Variants in LGALS8 observed in about 807,000 individuals in gnomAD.
LGALS8 encodes the protein galectin-8.
LGALS8 carries 30 observed loss-of-function variants against 35.9 expected under a neutral mutation model. The ratio of observed to expected loss-of-function variants is 0.83; its 90% CI spans 0.62 to 1.13. The LOEUF (loss-of-function observed/expected upper bound fraction) is 1.13, where lower values mean the gene tolerates loss of function less well. Ranked by LOEUF, LGALS8 falls within the 50% of genes most tolerant of loss-of-function variation. The probability of loss-of-function intolerance (pLI) is 0.00; values close to 1 mark genes in which losing one functional copy is unlikely to be tolerated. For synonymous variants in LGALS8, 138 were observed against 136.1 expected (o/e 1.01, Z -0.10); for missense variants, 366 against 388.7 (o/e 0.94, Z 0.49).
chr1:236,540,518 T>C (rs759178529), intron 4 of LGALS8, 46 bp from the exon 5 acceptor site: 3 of 1,367,210 alleles, frequency 2.2e-6, no homozygotes, highest in South Asian at 1.5e-5. Context: ...TTATTAACTG[T>C]TTTTTTTTGG....
rs1420790716 is a variant in LGALS8, at chr1:236,537,534, A to G, written c.83A>G (p.Asp28Gly). 5.6e-6 allele frequency: 9 copies of G among 1,606,550 alleles called. No individual in the cohort carries two copies. Among genetic ancestry groups the G allele is most frequent in the Non-Finnish European group, 7.7e-6 (9 of 1,172,880 alleles). The change falls in exon 3 of 10, where the codon GAT becomes GGT. Residue 28 changes from aspartate to glycine, a missense_variant. Coordinates refer to ENST00000366584, the MANE Select transcript of LGALS8 (RefSeq NM_201544.4). ...PFVGTIPDQL[D>G]PGTLIVIRGH... ...GTTGGCACCATTCCTGATCAGCTGG[A>G]TCCTGGAACTTTGATTGTGATACGT... is the stretch of plus-strand genomic sequence containing the variant.
rs1341641721 is a variant in LGALS8 at position 236,526,117 on chromosome 1, T to C, written c.45+2T>C. On this transcript the variant is annotated splice_donor_variant, in intron 2 of 9. Transcript: ENST00000366584. LOFTEE classifies it high-confidence loss of function. This position sits in a 1 kb window ranked among gnomAD's most constrained non-coding sequence, Gnocchi z 4.6. ...CTACAGAATATCATCTATAACCCGG[T>C]AACTGATTTCTATAAGATAACTTTT... 1 of 1,598,802 alleles carries C rather than the reference T, an allele frequency of 6.3e-7. No homozygotes were observed. The highest frequency in any genetic ancestry group is 8.6e-7 in the Non-Finnish European group (1 of 1,166,556).
upstream of LGALS8, among the ~76,000 whole-genome samples, chr1:236,522,129 G>C (rs1660569371): frequency 2.6e-5 from 4 of 152,142 alleles, no homozygotes; most frequent in Admixed American, 2.6e-4. Context: ...TGCCAAATGA[G>C]GGAGATATTT....
intron 7 of LGALS8, chr1:236,543,309 C>A: frequency 1.5e-6 from 1 of 652,036 alleles, no homozygotes; most frequent in Admixed American, 2.2e-5. Flanking sequence ...GCGTGTTTCA[C>A]TCATACAGAG....
chr1:236,528,669 G>A (rs1304353133), intron 2 of LGALS8, among the ~76,000 whole-genome samples: 2 of 150,328 alleles, frequency 1.3e-5, no homozygotes, highest in African/African-American at 4.9e-5. Flanking sequence ...AAATAGCTGG[G>A]ACTACAGGCA....
chr1:236,541,671 A>C lies in LGALS8; in HGVS notation c.483A>C (p.Gln161His). The C allele has an allele frequency of 6.6e-7, 1 of 1,521,594 alleles. No individual in the cohort carries two copies. Among genetic ancestry groups the C allele is most frequent in the African/African-American group, 1.4e-5 (1 of 71,962 alleles). The allele number at this position is 1,521,594 out of a possible 1,614,324, so 94.3% of individuals were successfully genotyped here. Residue 161 changes from glutamine to histidine, a missense_variant, in exon 6 of 10, where the codon CAA (glutamine) becomes CAC (histidine). Gln to His is a conservative substitution (Grantham distance 24). Transcript: ENST00000366584. ...FSFSSDLQST[Q>H]ASSLELTEIS... is the part of the protein sequence containing the mutation. ...TTTCTCAGGACTTACAAAGTACCCA[A>C]GCATCTAGTCTGGAACTGACAGAGA...
chr1:236,527,303 G>T (rs1237579602), intron 2 of LGALS8, among the ~76,000 whole-genome samples: 1 of 152,126 alleles, frequency 6.6e-6, no homozygotes, highest in Admixed American at 6.5e-5. Context: ...GATTCCTGTA[G>T]TTTCTGGGGT....
rs1259857516 is a variant in LGALS8 at position 236,549,055 on chromosome 1, T to C, written c.*894T>C. 1 of 398,570 alleles carries C rather than the reference T, an allele frequency of 2.5e-6. No homozygotes were observed. The highest frequency in any genetic ancestry group is 4.4e-6 in the Non-Finnish European group (1 of 226,014). 24.7% of individuals were successfully genotyped at this position (398,570 alleles called of 1,614,324 possible). On this transcript the variant is annotated 3_prime_UTR_variant, in exon 10 of 10. Transcript: ENST00000366584. ...AACAAAGTAAGGTCAGGATTAGACTTCAGGCATTCATAAGGCAGGCACTAT... is the reference window on the plus strand; with the variant it reads ...AACAAAGTAAGGTCAGGATTAGACTCCAGGCATTCATAAGGCAGGCACTAT...
Position 236,526,422 on chromosome 1 carries a change from A to C in LGALS8, c.45+307A>C. On this transcript the variant is annotated intron_variant, in intron 2 of 9. Coordinates refer to ENST00000366584, the MANE Select transcript of LGALS8 (RefSeq NM_201544.4). This position sits in a 1 kb window ranked among gnomAD's most constrained non-coding sequence, Gnocchi z 4.6. ...CAGCTAATCATAAATTGTAGTTTTTAAAGGAAAATGGATTTCTTACTCTAC... is the reference window on the plus strand; with the variant it reads ...CAGCTAATCATAAATTGTAGTTTTTCAAGGAAAATGGATTTCTTACTCTAC... 4.4e-6 allele frequency: 1 copy of C among 227,828 alleles called. No homozygotes were observed. The highest frequency in any genetic ancestry group is 8.5e-6 in the Non-Finnish European group (1 of 117,364). The allele number at this position is 227,828 out of a possible 1,614,324, so 14.1% of individuals were successfully genotyped here.
intron 9 of LGALS8, among the ~76,000 whole-genome samples, chr1:236,546,713 A>C (rs921371757): frequency 6.6e-6 from 1 of 152,254 alleles, no homozygotes; most frequent in African/African-American, 2.4e-5. Flanking sequence ...GCTCTGATAC[A>C]GTACAGGTAA....
chr1:236,550,818 G>T lies in LGALS8; in HGVS notation c.*2657G>T. The T allele has an allele frequency of 1.9e-6, 2 of 1,056,316 alleles. No homozygotes were observed. Among genetic ancestry groups the T allele is most frequent in the Non-Finnish European group, 1.4e-6 (1 of 716,946 alleles). The allele number at this position is 1,056,316 out of a possible 1,614,324, so 65.4% of individuals were successfully genotyped here. A position where few individuals can be genotyped will look rare whatever the true frequency, so the allele number is the denominator to read the frequency against. On this transcript the variant is annotated 3_prime_UTR_variant, in exon 10 of 10. Transcript: ENST00000366584. ...AAGTAGGTGTATTAAGGCACCAAAA[G>T]TAACATGGCACCCAACACCCAAAAA...
upstream of LGALS8, among the ~76,000 whole-genome samples, chr1:236,521,733 C>T (rs1296429998): frequency 6.6e-6 from 1 of 151,542 alleles, no homozygotes; most frequent in African/African-American, 2.4e-5. Context: ...GAGGCTGAGG[C>T]ACATGAATCA....
intron 4 of LGALS8, 116 bp from the exon 5 acceptor site, chr1:236,540,448 T>G: frequency 8.2e-7 from 1 of 1,213,982 alleles, no homozygotes; most frequent in South Asian, 1.8e-5. Flanking sequence ...TGTGGAGACC[T>G]GTGGGAACAG....
intron 7 of LGALS8, chr1:236,543,048 G>A: frequency 6.2e-7 from 1 of 1,613,686 alleles, no homozygotes; most frequent in Admixed American, 1.7e-5. Flanking sequence ...AAGGTTTGAA[G>A]AGCACCAAAT....
rs534923221 is a variant in LGALS8, at chr1:236,524,641, T to C, written c.-104+580T>C. On this transcript the variant is annotated intron_variant, in intron 1 of 9. Coordinates refer to ENST00000366584, the MANE Select transcript of LGALS8 (RefSeq NM_201544.4). ...GCTGCTTGTGATGCATACGAAGTGT[T>C]CATGCTGGCGGGACCTGTCCCTGGG... 1.7e-5 allele frequency: 6 copies of C among 351,296 alleles called. No homozygotes were observed. The East Asian group carries it at 4.5e-4, about 26-fold the overall frequency. 21.8% of individuals were successfully genotyped at this position (351,296 alleles called of 1,614,324 possible). A position where few individuals can be genotyped will look rare whatever the true frequency, so the allele number is the denominator to read the frequency against.
intron 4 of LGALS8, chr1:236,540,352 T>C (rs983763488): frequency 4.4e-6 from 2 of 457,874 alleles, no homozygotes; most frequent in African/African-American, 4.0e-5. Context: ...AGACAGTTCC[T>C]GGTGCTTAAT....
chr1:236,535,075 A>AAG (rs1661393732), intron 2 of LGALS8, among the ~76,000 whole-genome samples: 1 of 151,408 alleles, frequency 6.6e-6, no homozygotes, highest in East Asian at 1.9e-4. Context: ...AAAAAAAAAA[A>AAG]AAAAAAAAAG....
At chr1:236,530,082 A>G (rs1661062859) in intron 2 of LGALS8, among the ~76,000 whole-genome samples, 1 of 152,126 alleles carries the variant, frequency 6.6e-6, no homozygotes, top group African/African-American at 2.4e-5. Flanking sequence ...TAATTTTGCT[A>G]TTGTTTATAG....
At position 236,551,030 on chromosome 1, in the gene LGALS8, C is replaced by CA; in HGVS notation, c.*2870dup. The stretch of plus-strand genomic sequence containing the variant: ...AAAAAATCAAAATTAAAATCTGAGT[C>CA]AGTCCGCCTGCCTCGGTTCTCATTA... On this transcript the variant is annotated 3_prime_UTR_variant, in exon 10 of 10. Coordinates refer to ENST00000366584, the MANE Select transcript of LGALS8 (RefSeq NM_201544.4). The CA allele has an allele frequency of 6.8e-7, 1 of 1,473,878 alleles. No individual in the cohort carries two copies. The highest frequency in any genetic ancestry group is 9.2e-7 in the Non-Finnish European group (1 of 1,085,654). 91.3% of individuals were successfully genotyped at this position (1,473,878 alleles called of 1,614,324 possible).
Sources: allele counts gnomAD v4.1 joint callset (sites outside exome capture counted in the v4.1 genomes callset), GRCh38; gene constraint gnomAD v4.1.1; non-coding constraint Gnocchi (gnomAD v3.1); transcripts MANE v1.5; gene names NCBI Gene and HGNC (gene_info 2026-07-23, HGNC 2026-07-21).